Variants in TSHR observed in about 807,000 individuals in gnomAD.
TSHR encodes the protein thyrotropin receptor.
TSHR carries 51 observed loss-of-function variants against 64.1 expected under a neutral mutation model. That is an observed-to-expected ratio of 0.80 (90% CI 0.64 to 1.01). The LOEUF (loss-of-function observed/expected upper bound fraction) is 1.01, where lower values mean the gene tolerates loss of function less well. TSHR is among the 50% of genes least tolerant of loss of function. TSHR has a pLI of 0.00. For synonymous variants in TSHR, 361 were observed against 361.9 expected (o/e 1.00, Z 0.03); for missense variants, 877 against 942.8 (o/e 0.93, Z 0.91).
rs1428360404 is a variant in TSHR, at chr14:81,144,922, T to C, written c.*569T>C. 4.3e-6 allele frequency: 1 copy of C among 234,454 alleles called. No individual in the cohort carries two copies. Among genetic ancestry groups the C allele is most frequent in the Admixed American group, 5.6e-5 (1 of 17,946 alleles). 14.5% of individuals were successfully genotyped at this position (234,454 alleles called of 1,614,324 possible). A position where few individuals can be genotyped will look rare whatever the true frequency, so the allele number is the denominator to read the frequency against. The stretch of plus-strand genomic sequence containing the variant: ...GGAGGGTAAGAATTAGCTTTAAGTT[T>C]TGTTTTGCTTTGTTTTGTTTTTTAA... On this transcript the variant is annotated 3_prime_UTR_variant, in exon 10 of 10. Coordinates refer to ENST00000298171, the MANE Select transcript of TSHR (RefSeq NM_000369.5).
intron 8 of TSHR, among the ~76,000 whole-genome samples, chr14:81,137,586 C>T (rs1259378832): frequency 3.3e-5 from 5 of 152,168 alleles, no homozygotes. Flanking sequence ...TCATCCCAGA[C>T]TCCAGATCTT....
chr14:81,021,558 G>A (rs1426122116), intron 1 of TSHR, among the ~76,000 whole-genome samples: 1 of 152,160 alleles, frequency 6.6e-6, no homozygotes, highest in Non-Finnish European at 1.5e-5. Context: ...AGTAAATCAT[G>A]TTCTTTTGCC....
chr14:80,963,889 C>A (rs1378097610), intron 1 of TSHR, among the ~76,000 whole-genome samples: 1 of 152,184 alleles, frequency 6.6e-6, no homozygotes, highest in East Asian at 1.9e-4. Flanking sequence ...ATGTCTTGAA[C>A]CCCATTACAT....
intron 1 of TSHR, among the ~76,000 whole-genome samples, chr14:80,974,442 CAG>C (rs1340170947): frequency 1.3e-5 from 2 of 152,158 alleles, no homozygotes; most frequent in Non-Finnish European, 2.9e-5. Flanking sequence ...TGTTCTGTGT[CAG>C]AGTTTGGCTG....
chr14:81,115,348 G>A (rs1268566637), intron 8 of TSHR, among the ~76,000 whole-genome samples: 1 of 149,506 alleles, frequency 6.7e-6, no homozygotes, highest in African/African-American at 2.5e-5. Flanking sequence ...AGCTGATGGA[G>A]CTGAAGACCA....
At chr14:81,080,839 C>T (rs1299512963) in intron 3 of TSHR, among the ~76,000 whole-genome samples, 1 of 152,112 alleles carries the variant, frequency 6.6e-6, no homozygotes, top group East Asian at 1.9e-4. Flanking sequence ...CTAATCTATA[C>T]CAAGAGCTTT....
chr14:81,096,824 T>A, intron 7 of TSHR, 117 bp downstream of exon 7: 1 of 1,157,766 alleles, frequency 8.6e-7, no homozygotes, highest in Non-Finnish European at 1.3e-6. Context: ...CCAGAGTTAG[T>A]GTGACCAACA....
chr14:81,006,531 T>A (rs188635988), intron 1 of TSHR, among the ~76,000 whole-genome samples: 7,898 of 152,036 alleles, frequency 0.052, 633 homozygotes, highest in African/African-American at 0.18. Flanking sequence ...TTTTTTTTTT[T>A]TAATCTGAGT....
chr14:81,055,118 G>A (rs1305563533), intron 1 of TSHR, among the ~76,000 whole-genome samples: 4 of 152,122 alleles, frequency 2.6e-5, no homozygotes, highest in Non-Finnish European at 5.9e-5. Flanking sequence ...CTGCATCCCA[G>A]CTGCTCCAGC....
chr14:81,143,091 G>A lies in TSHR; in HGVS notation c.1033G>A (p.Asp345Asn), dbSNP rs376188008. ...GTACAAGGAAAAGTCCAAGTTCCAGGATACTCATAACAACGCTCATTATTA... is the reference window on the plus strand; with the variant it reads ...GTACAAGGAAAAGTCCAAGTTCCAGAATACTCATAACAACGCTCATTATTA... Reference protein sequence around the residue: ...VGYKEKSKFQDTHNNAHYYVF... With the variant: ...VGYKEKSKFQNTHNNAHYYVF... The change falls in exon 10 of 10, where the codon GAT becomes AAT. Residue 345 changes from aspartate to asparagine, a missense_variant. Physicochemically the swap from Asp to Asn is conservative, Grantham distance 23. Transcript: ENST00000298171. The A allele has an allele frequency of 1.8e-5, 29 of 1,614,136 alleles. No homozygotes were observed. The highest frequency in any genetic ancestry group is 2.4e-5 in the Non-Finnish European group (28 of 1,180,028).
rs1205570280 is a variant in TSHR at position 81,145,821 on chromosome 14, T to G, written c.*1468T>G. The stretch of plus-strand genomic sequence containing the variant: ...GATGTACTCTCCAGGTTACCTGTGA[T>G]GATAGCCCCCTAATGTCCTGCTAGA... On this transcript the variant is annotated 3_prime_UTR_variant, in exon 10 of 10. Transcript: ENST00000298171. 4.3e-6 allele frequency: 1 copy of G among 232,832 alleles called. No individual in the cohort carries two copies. The highest frequency in any genetic ancestry group is 8.5e-6 in the Non-Finnish European group (1 of 117,874). The allele number at this position is 232,832 out of a possible 1,614,324, so 14.4% of individuals were successfully genotyped here.
chr14:81,133,377 G>A (rs532977881), intron 8 of TSHR, among the ~76,000 whole-genome samples: 14 of 152,330 alleles, frequency 9.2e-5, no homozygotes, highest in South Asian at 6.2e-4. Context: ...CAGAGGGAGC[G>A]TAGTCAGAGA....
intron 7 of TSHR, among the ~76,000 whole-genome samples, chr14:81,100,827 G>A (rs1889533113): frequency 6.6e-6 from 1 of 152,140 alleles, no homozygotes; most frequent in South Asian, 2.1e-4. Flanking sequence ...CATGTGCCTT[G>A]ACCACCTTCC....
chr14:81,024,028 G>T (rs1405931572), intron 1 of TSHR, among the ~76,000 whole-genome samples: 2 of 152,016 alleles, frequency 1.3e-5, no homozygotes, highest in South Asian at 2.1e-4. Flanking sequence ...TGTCTTAATG[G>T]TGCCTGGGAA....
intron 1 of TSHR, among the ~76,000 whole-genome samples, chr14:80,973,132 G>A (rs1207826946): frequency 6.6e-6 from 1 of 152,046 alleles, no homozygotes; most frequent in Non-Finnish European, 1.5e-5. Flanking sequence ...TTGGCCGGGC[G>A]CGGTGGCTCA....
chr14:81,115,420 A>C (rs1890453644), intron 8 of TSHR, among the ~76,000 whole-genome samples: 1 of 144,348 alleles, frequency 6.9e-6, no homozygotes, highest in African/African-American at 2.8e-5. Context: ...AACTGGAAGA[A>C]AGGGTATCAG....
chr14:81,001,534 A>C (rs1164793458), intron 1 of TSHR: 1 of 524,804 alleles, frequency 1.9e-6, no homozygotes, highest in Non-Finnish European at 3.8e-6. Context: ...TGCAGCAAAA[A>C]TTCAGCACTC....
chr14:81,035,508 A>G (rs1327385990), intron 1 of TSHR, among the ~76,000 whole-genome samples: 1 of 152,192 alleles, frequency 6.6e-6, no homozygotes, highest in Non-Finnish European at 1.5e-5. Flanking sequence ...GATGCTGCTG[A>G]TGCTGCCATG....
At chr14:81,027,115 A>C (rs1884103076) in intron 1 of TSHR, among the ~76,000 whole-genome samples, 1 of 152,058 alleles carries the variant, frequency 6.6e-6, no homozygotes, top group African/African-American at 2.4e-5. Flanking sequence ...GACATTCATG[A>C]CATCTTGAGA....
Sources: allele counts gnomAD v4.1 joint callset (sites outside exome capture counted in the v4.1 genomes callset), GRCh38; gene constraint gnomAD v4.1.1; transcripts MANE v1.5; gene names NCBI Gene and HGNC (gene_info 2026-07-23, HGNC 2026-07-21).